SCHIP1: variants seen among roughly 807,000 people sequenced by gnomAD.
SCHIP1 encodes schwannomin interacting protein 1, also known as schwannomin-interacting protein 1.
Under a neutral mutation model 29.7 loss-of-function variants are expected in SCHIP1, and 8 were observed. That is an observed-to-expected ratio of 0.27 (90% CI 0.16 to 0.49). SCHIP1 has a LOEUF of 0.49. SCHIP1 is among the 20% of genes least tolerant of loss of function. SCHIP1 has a pLI of 0.99. For missense variants in SCHIP1, 193 were observed against 294.6 expected, an observed-to-expected ratio of 0.66 and a Z score of 2.52; for synonymous variants, 76 against 94.9, an observed-to-expected ratio of 0.80 and a Z score of 1.16.
At chr3:159,596,943 A>C in the SCHIP1 span, among the ~76,000 whole-genome samples, 1 of 151,912 alleles carries the variant, frequency 6.6e-6, no homozygotes, top group Non-Finnish European at 1.5e-5. Flanking sequence ...AACTTAAAGT[A>C]TAATAATAAA....
chr3:159,484,182 G>A, the SCHIP1 span, among the ~76,000 whole-genome samples: 1 of 152,184 alleles, frequency 6.6e-6, no homozygotes, highest in Non-Finnish European at 1.5e-5. Context: ...GAACATGCAT[G>A]TTACATGGTA....
chr3:159,542,456 G>A, the SCHIP1 span, among the ~76,000 whole-genome samples: 2 of 152,000 alleles, frequency 1.3e-5, no homozygotes, highest in Non-Finnish European at 2.9e-5. Flanking sequence ...TTATATAAGT[G>A]GGATTCTACA....
the SCHIP1 span, among the ~76,000 whole-genome samples, chr3:159,440,754 T>A: frequency 6.6e-6 from 1 of 152,172 alleles, no homozygotes; most frequent in Admixed American, 6.6e-5. Context: ...ATAGACACAC[T>A]GGTAAACCAA....
the SCHIP1 span, among the ~76,000 whole-genome samples, chr3:159,566,545 G>A: frequency 1.3e-5 from 2 of 152,160 alleles, no homozygotes; most frequent in Non-Finnish European, 2.9e-5. Flanking sequence ...ATTGGGAAGG[G>A]AATACAGAAT....
the SCHIP1 span, chr3:159,399,023 C>T: frequency 1.2e-6 from 1 of 806,748 alleles, no homozygotes; most frequent in Non-Finnish European, 1.5e-6. Flanking sequence ...TATTCTAGTG[C>T]CCACCCCAAA....
the SCHIP1 span, among the ~76,000 whole-genome samples, chr3:159,591,814 T>C: frequency 6.6e-6 from 1 of 151,982 alleles, no homozygotes. Flanking sequence ...AAATACCTAA[T>C]GCATACAGGC....
the SCHIP1 span, among the ~76,000 whole-genome samples, chr3:159,554,002 GTGTGTGTGTGTGTGTGTT>G: frequency 1.4e-4 from 18 of 124,950 alleles, no homozygotes; most frequent in African/African-American, 7.1e-4. Context: ...GTGTGTGTGT[GTGTGTGTGTGTGTGTGTT>G]TGTGTATGTG....
the SCHIP1 span, among the ~76,000 whole-genome samples, chr3:159,770,330 G>T: frequency 6.6e-6 from 1 of 152,148 alleles, no homozygotes; most frequent in Non-Finnish European, 1.5e-5. Flanking sequence ...TGCTATCTTG[G>T]CTCACTGCCA....
the SCHIP1 span, among the ~76,000 whole-genome samples, chr3:159,705,529 T>G: frequency 4.7e-4 from 71 of 151,632 alleles, no homozygotes; most frequent in Non-Finnish European, 1.6e-4. Flanking sequence ...GTGACAGATA[T>G]AGAGAGAGAA....
At chr3:159,650,635 T>C in the SCHIP1 span, among the ~76,000 whole-genome samples, 4 of 152,174 alleles carry the variant, frequency 2.6e-5, no homozygotes, top group African/African-American at 9.7e-5. Context: ...TGCATAGGAA[T>C]TTATGTACAA....
chr3:159,700,285 T>C, the SCHIP1 span, among the ~76,000 whole-genome samples: 405 of 152,328 alleles, frequency 2.7e-3, 2 homozygotes, highest in African/African-American at 9.3e-3. Context: ...CTACATTCTA[T>C]AGGACAAGTG....
the SCHIP1 span, among the ~76,000 whole-genome samples, chr3:159,553,120 G>A: frequency 2.4e-4 from 36 of 151,874 alleles, no homozygotes; most frequent in African/African-American, 7.2e-4. Flanking sequence ...TTCTAATCAG[G>A]CAATATTTCT....
the SCHIP1 span, among the ~76,000 whole-genome samples, chr3:159,320,026 T>C: frequency 6.6e-6 from 1 of 152,200 alleles, no homozygotes; most frequent in Non-Finnish European, 1.5e-5. Flanking sequence ...CATTAGAAGG[T>C]GGAGCCTTTG....
chr3:159,891,140 G>T (rs1717486721), intron 5 of SCHIP1, among the ~76,000 whole-genome samples: 1 of 152,132 alleles, frequency 6.6e-6, no homozygotes, highest in South Asian at 2.1e-4. Context: ...GGGAGGCCGA[G>T]GCGGGCAGAT....
At chr3:159,616,133 A>G in the SCHIP1 span, among the ~76,000 whole-genome samples, 4 of 136,038 alleles carry the variant, frequency 2.9e-5, no homozygotes, top group African/African-American at 1.5e-4. Flanking sequence ...CTGACCTGGA[A>G]TACTATGAGT....
chr3:159,425,720 C>G, the SCHIP1 span, among the ~76,000 whole-genome samples: 1 of 152,112 alleles, frequency 6.6e-6, no homozygotes, highest in African/African-American at 2.4e-5. Flanking sequence ...ACTCTCCACC[C>G]CATATCAATA....
the SCHIP1 span, among the ~76,000 whole-genome samples, chr3:159,554,353 T>C: frequency 1.3e-5 from 2 of 152,054 alleles, no homozygotes; most frequent in Non-Finnish European, 2.9e-5. Context: ...GGGCTTTAAG[T>C]GAGGGCAGTG....
the SCHIP1 span, among the ~76,000 whole-genome samples, chr3:159,456,610 AAG>A: frequency 1.6e-4 from 24 of 152,196 alleles, 1 homozygote; most frequent in Admixed American, 1.6e-3. Flanking sequence ...TGGGGGACAG[AAG>A]GAAGAGGGCG....
chr3:159,852,952 C>T (rs946986040), intron 1 of SCHIP1: 2 of 156,760 alleles, frequency 1.3e-5, no homozygotes, highest in African/African-American at 2.4e-5. Flanking sequence ...TTGCTAGTTT[C>T]CTCACAGAGC....
Sources: gnomAD v4.1 joint callset for allele counts (sites outside exome capture counted in the v4.1 genomes callset) on GRCh38, gnomAD v4.1.1 for gene constraint, MANE v1.5 for transcripts, NCBI Gene and HGNC (gene_info 2026-07-23, HGNC 2026-07-21) for gene names.